NAV3: variants seen among roughly 807,000 people sequenced by gnomAD.
NAV3 encodes neuron navigator 3.
Under a neutral mutation model 244.7 loss-of-function variants are expected in NAV3, and 87 were observed. The observed-to-expected ratio is 0.36, with a 90% confidence interval of 0.30 to 0.42. The LOEUF is 0.42. Ranked by LOEUF, NAV3 falls within the 20% of genes least tolerant of loss-of-function variation. NAV3 has a pLI of 1.00. For synonymous variants in NAV3, 1,126 were observed against 1,042.2 expected, an observed-to-expected ratio of 1.08 and a Z score of -1.55; for missense variants, 2,663 against 2,893.3, an observed-to-expected ratio of 0.92 and a Z score of 1.83.
At chr12:78,026,833 G>A (rs1039395251) in intron 9 of NAV3, among the ~76,000 whole-genome samples, 6 of 152,250 alleles carry the variant, frequency 3.9e-5, no homozygotes, top group Non-Finnish European at 7.4e-5. Context: ...TATAATGGAT[G>A]TAGCATTAAA....
At position 78,119,692 on chromosome 12, in the gene NAV3, G is replaced by A. The variant is rs757020983; in HGVS notation, c.3496G>A (p.Val1166Ile). The A allele has an allele frequency of 1.9e-6, 3 of 1,614,176 alleles. No homozygotes were observed. The highest frequency in any genetic ancestry group is 3.3e-5 in the Admixed American group (2 of 60,018). ...RSSTSSIDSN[V>I]SSKSAGATTS... is the part of the protein sequence containing the mutation. ...CAGTACCAGCAGTATTGATTCCAAC[G>A]TCAGCAGCAAGTCTGCTGGGGCCAC... Residue 1166 changes from valine (V) to isoleucine (I), a missense_variant, in exon 15 of 40, where the codon GTC becomes ATC. By Grantham distance (29) the Val-to-Ile change is conservative. This residue lies in a region of NAV3 where 1,521 missense variants were observed against 1,497.0 expected (regional missense o/e 1.02). Transcript: ENST00000397909.
intron 2 of NAV3, among the ~76,000 whole-genome samples, chr12:77,624,355 C>T (rs914652381): frequency 2.6e-5 from 4 of 151,922 alleles, no homozygotes; most frequent in African/African-American, 7.3e-5. Context: ...GAGAGGTAGC[C>T]CAAGTGCCAA....
chr12:77,749,024 G>A (rs962036137), intron 2 of NAV3, among the ~76,000 whole-genome samples: 1 of 151,970 alleles, frequency 6.6e-6, no homozygotes, highest in Non-Finnish European at 1.5e-5. Context: ...CTGCAAAGCG[G>A]GAGAAAAAAA....
intron 2 of NAV3, among the ~76,000 whole-genome samples, chr12:77,658,645 T>C (rs1450730698): frequency 7.2e-5 from 11 of 151,982 alleles, no homozygotes; most frequent in South Asian, 2.1e-4. Context: ...GAGCCCGCAT[T>C]GCCAAGTCAA....
At chr12:77,620,933 A>G (rs1158248698) in intron 2 of NAV3, among the ~76,000 whole-genome samples, 1 of 152,218 alleles carries the variant, frequency 6.6e-6, no homozygotes, top group African/African-American at 2.4e-5. Context: ...GCTCAGAAAC[A>G]TCGGTGACAT....
intron 1 of NAV3, among the ~76,000 whole-genome samples, chr12:77,907,998 CA>C (rs1464560188): frequency 2.0e-5 from 3 of 152,058 alleles, no homozygotes; most frequent in Non-Finnish European, 4.4e-5. Context: ...GTGATTGCCA[CA>C]GAATTTCCTT....
chr12:77,857,045 T>TA (rs1157565337), intron 1 of NAV3, among the ~76,000 whole-genome samples: 1 of 152,140 alleles, frequency 6.6e-6, no homozygotes, highest in African/African-American at 2.4e-5. Flanking sequence ...TTGGCTGATC[T>TA]AAAAAATGAG....
At chr12:77,782,488 GCTTCATGAATTAATGCTTAA>G (rs946126812) in intron 2 of NAV3, among the ~76,000 whole-genome samples, 1 of 152,040 alleles carries the variant, frequency 6.6e-6, no homozygotes, top group African/African-American at 2.4e-5. Context: ...TTAAAAACTT[GCTTCATGAATTAATGCTTAA>G]CTTCATGAAT....
chr12:77,667,856 G>A (rs1465753370), intron 2 of NAV3, among the ~76,000 whole-genome samples: 2 of 152,070 alleles, frequency 1.3e-5, no homozygotes, highest in Admixed American at 6.6e-5. Context: ...CAAAACTGGT[G>A]CACTAAACAG....
rs1445408083 is a variant in NAV3, at chr12:78,119,871, C to T, written c.3675C>T (p.Ala1225=). The T allele has an allele frequency of 1.2e-6, 2 of 1,614,164 alleles. No individual in the cohort carries two copies. Among genetic ancestry groups the T allele is most frequent in the South Asian group, 2.2e-5 (2 of 91,082 alleles). The stretch of plus-strand genomic sequence containing the variant: ...CCCCCAAATCCAGCCCCACCTCTGC[C>T]AGCGCCTGTGGTGCACAAGGTCTCA... ...SGSPKSSPTS[A]SACGAQGLRQ... is the part of the protein sequence containing the mutation. Residue 1225 remains alanine (A), a synonymous_variant, in exon 15 of 40, where the codon GCC becomes GCT. Transcript: ENST00000397909.
intron 9 of NAV3, among the ~76,000 whole-genome samples, chr12:78,048,015 T>G (rs1363262115): frequency 2.0e-5 from 3 of 152,196 alleles, no homozygotes; most frequent in African/African-American, 7.2e-5. Flanking sequence ...TTTCTACTTA[T>G]GTATGCTTCA....
At chr12:78,137,396 C>T (rs369457441) in intron 19 of NAV3, 31 bp downstream of exon 19, 3 of 1,562,516 alleles carry the variant, frequency 1.9e-6, no homozygotes, top group Non-Finnish European at 1.7e-6. Context: ...AAGATGAAGT[C>T]ACTTTATTTA....
chr12:77,832,380 C>T (rs1001693291), intron 1 of NAV3, among the ~76,000 whole-genome samples: 6 of 152,184 alleles, frequency 3.9e-5, no homozygotes, highest in African/African-American at 2.4e-5. Context: ...TCTCCAGTCA[C>T]GCATGCTAGA....
At chr12:77,999,612 T>G (rs1199511710) in intron 7 of NAV3, among the ~76,000 whole-genome samples, 2 of 152,200 alleles carry the variant, frequency 1.3e-5, no homozygotes, top group Admixed American at 1.3e-4. Flanking sequence ...GCAGTGTGTG[T>G]TAAGATTGCA....
intron 5 of NAV3, among the ~76,000 whole-genome samples, chr12:77,986,070 T>C (rs2136307258): frequency 6.6e-6 from 1 of 152,226 alleles, no homozygotes; most frequent in Middle Eastern, 3.4e-3. Context: ...TGTTAAAATA[T>C]TATTTTTAGG....
intron 34 of NAV3, 111 bp downstream of exon 34, chr12:78,190,330 A>AT (rs1958917715): frequency 9.2e-6 from 8 of 870,070 alleles, no homozygotes; most frequent in Non-Finnish European, 1.4e-5. Context: ...AAGAATATCC[A>AT]TCTTTTTTTT....
chr12:78,114,653 C>T (rs575818941), intron 12 of NAV3, among the ~76,000 whole-genome samples: 8 of 152,170 alleles, frequency 5.3e-5, no homozygotes, highest in South Asian at 2.1e-4. Flanking sequence ...TCCCATGACA[C>T]GTGAAGATTA....
chr12:78,131,029 A>C (rs1956143427), intron 18 of NAV3: 1 of 153,122 alleles, frequency 6.5e-6, no homozygotes, highest in Non-Finnish European at 1.5e-5. Context: ...CTTCTCCCAA[A>C]CCTGAAGCCC....
intron 2 of NAV3, among the ~76,000 whole-genome samples, chr12:77,811,214 T>G (rs1872270690): frequency 6.6e-6 from 1 of 152,218 alleles, no homozygotes; most frequent in South Asian, 2.1e-4. Flanking sequence ...TATGTGAATA[T>G]CTACTCATTC....
Sources: gnomAD v4.1 joint callset for allele counts (sites outside exome capture counted in the v4.1 genomes callset) on GRCh38, gnomAD v4.1.1 for gene constraint, gnomAD v4.1.1 regional missense constraint, MANE v1.5 for transcripts, NCBI Gene and HGNC (gene_info 2026-07-23, HGNC 2026-07-21) for gene names.